The following SLC35E4 variants were observed in gnomAD, a reference collection of about 807,000 sequenced individuals.
SLC35E4 encodes solute carrier family 35 member E4.
A neutral mutation model predicts 19.3 loss-of-function variants in SLC35E4; 15 were observed. The observed-to-expected ratio is 0.78, with a 90% CI of 0.52 to 1.20. The LOEUF is 1.20. Among genes scored for constraint, SLC35E4 ranks in the 50% most tolerant of loss-of-function variants. The pLI is 0.00. For missense variants in SLC35E4, 406 were observed against 472.3 expected, an observed-to-expected ratio of 0.86 and a Z score of 1.30; for synonymous variants, 219 against 219.9, an observed-to-expected ratio of 1.00 and a Z score of 0.04.
intron 1 of SLC35E4, 129 bp downstream of exon 1, chr22:30,637,198 A>T: frequency 1.5e-6 from 2 of 1,376,332 alleles, no homozygotes; most frequent in Non-Finnish European, 1.9e-6. Flanking sequence ...GCTGTGGAGG[A>T]AGCAGAACTG....
downstream of SLC35E4, among the ~76,000 whole-genome samples, chr22:30,652,453 G>T (rs981015964): frequency 2.6e-5 from 4 of 152,226 alleles, no homozygotes; most frequent in Admixed American, 1.3e-4. Context: ...AAAGAGGTCT[G>T]CTTTGGGAAA....
At chr22:30,658,862 C>T (rs536638684) in intron 2 of SLC35E4, among the ~76,000 whole-genome samples, 38 of 152,002 alleles carry the variant, frequency 2.5e-4, no homozygotes, top group African/African-American at 8.4e-4. Context: ...CTGAACTGAT[C>T]GGCTGGGCGC....
chr22:30,647,036 TG>T lies in SLC35E4; in HGVS notation c.*10del. ...CAGCCCAGCAAGGGTCTTTGAGACC[TG>T]GGGGATCTCAGGAGCCACCTGGGAT... On this transcript the variant is annotated 3_prime_UTR_variant, in exon 2 of 2. Coordinates refer to ENST00000343605, the MANE Select transcript of SLC35E4 (RefSeq NM_001001479.4). 6.3e-7 allele frequency: 1 copy of T among 1,585,278 alleles called. No individual in the cohort carries two copies. Among genetic ancestry groups the T allele is most frequent in the Non-Finnish European group, 8.6e-7 (1 of 1,166,054 alleles).
At chr22:30,642,865 T>TA (rs35651094) in intron 1 of SLC35E4, among the ~76,000 whole-genome samples, 7 of 149,784 alleles carry the variant, frequency 4.7e-5, no homozygotes, top group Non-Finnish European at 8.9e-5. Context: ...CCGTCTCTAC[T>TA]AAAAAATACA....
chr22:30,666,869 C>CA (rs1455780338), downstream of SLC35E4: 1 of 152,142 alleles, frequency 6.6e-6, no homozygotes, highest in Admixed American at 6.5e-5. Context: ...CAGGGCTTGG[C>CA]ATAGAGTAAG....
Position 30,659,046 on chromosome 22 carries a change from C to G in SLC35E4, c.*9-3014C>G, listed in dbSNP as rs1009142915. ...GGCTGAGGCAGGAGAATGGCGTGAA[C>G]CTGGGAGGCGGAGTTTGCAGTGAGC... is the stretch of plus-strand genomic sequence containing the variant. On this transcript the variant is annotated intron_variant, in intron 2 of 2. Transcript: ENST00000406566. Among the ~76,000 whole-genome samples, 4 of 148,772 alleles carry G rather than the reference C, an allele frequency of 2.7e-5. No individual in the cohort carries two copies. The Admixed American group carries it at 2.7e-4, about 10-fold the overall frequency.
chr22:30,654,304 T>C (rs1001011504), intron 2 of SLC35E4: 1 of 459,488 alleles, frequency 2.2e-6, no homozygotes, highest in Non-Finnish European at 4.3e-6. Flanking sequence ...CTGTTTCTTA[T>C]TCTGGTAGTG....
Position 30,647,078 on chromosome 22 carries a change from C to G in SLC35E4, c.*47C>G. On this transcript the variant is annotated 3_prime_UTR_variant, in exon 2 of 2. Coordinates refer to ENST00000343605, the MANE Select transcript of SLC35E4 (RefSeq NM_001001479.4). ...CACCTGGGATGGCCCTGGCCTGAAT[C>G]CAGCCTCCGCTGTGGCCATAGAAGG... 6.5e-7 allele frequency: 1 copy of G among 1,532,982 alleles called. No individual in the cohort carries two copies. The highest frequency in any genetic ancestry group is 8.7e-7 in the Non-Finnish European group (1 of 1,143,524). 95.0% of individuals were successfully genotyped at this position (1,532,982 alleles called of 1,614,324 possible).
At chr22:30,648,475 G>T (rs1281259409), downstream of SLC35E4, among the ~76,000 whole-genome samples, 1 of 152,200 alleles carries the variant, frequency 6.6e-6, no homozygotes, top group African/African-American at 2.4e-5. Flanking sequence ...ATCCAGGCCG[G>T]GCGCGGTGGC....
At position 30,646,736 on chromosome 22, in the gene SLC35E4, G is replaced by A. The variant is rs755179385; in HGVS notation, c.758G>A (p.Arg253His). ...VAPPPTAGDS[R>H]LWACILLSCL... ...CCACCGCCCACTGCTGGCGACTCTC[G>A]CCTCTGGGCCTGCATCCTGCTCAGC... Residue 253 changes from arginine (R) to histidine (H), a missense_variant, in exon 2 of 2, where the codon CGC (arginine) becomes CAC (histidine). Physicochemically the swap from Arg to His is conservative, Grantham distance 29 (BLOSUM62 0). Coordinates refer to ENST00000343605, the MANE Select transcript of SLC35E4 (RefSeq NM_001001479.4). 1.2e-5 allele frequency: 20 copies of A among 1,613,184 alleles called. No individual in the cohort carries two copies. The highest frequency in any genetic ancestry group is 1.6e-4 in the Middle Eastern group (1 of 6,078).
downstream of SLC35E4, among the ~76,000 whole-genome samples, chr22:30,651,373 G>T (rs540083443): frequency 0.35 from 10,262 of 29,150 alleles, 703 homozygotes; most frequent in South Asian, 0.4. Context: ...GCTAATTTTT[G>T]TGTGTGTGTG....
chr22:30,645,642 G>C (rs2088116926), intron 1 of SLC35E4, among the ~76,000 whole-genome samples: 1 of 150,734 alleles, frequency 6.6e-6, no homozygotes, highest in Admixed American at 6.6e-5. Flanking sequence ...TCAGGGCCAG[G>C]GCAGCCCCTG....
chr22:30,662,108 A>G (rs958691621), exon 3 of SLC35E4: 3 of 151,534 alleles, frequency 2.0e-5, no homozygotes, highest in African/African-American at 7.3e-5. Context: ...CTGTGCACAG[A>G]AAGGAGAAAT....
intron 1 of SLC35E4, among the ~76,000 whole-genome samples, chr22:30,637,559 A>T (rs367792349): frequency 0.019 from 2,680 of 144,844 alleles, 38 homozygotes; most frequent in African/African-American, 0.021. Context: ...TGGTCAGCTA[A>T]TTTTTTTTTT....
intron 1 of SLC35E4, among the ~76,000 whole-genome samples, chr22:30,641,736 T>A (rs1034842824): frequency 0.028 from 4,209 of 148,350 alleles, 117 homozygotes; most frequent in African/African-American, 0.054. Context: ...TTTTTTTTTT[T>A]TTTTTTTTTA....
chr22:30,647,252 G>A lies in SLC35E4; in HGVS notation c.*221G>A. The A allele has an allele frequency of 1.7e-6, 1 of 590,134 alleles. No individual in the cohort carries two copies. Among genetic ancestry groups the A allele is most frequent in the Non-Finnish European group, 2.9e-6 (1 of 342,868 alleles). The allele number at this position is 590,134 out of a possible 1,614,324, so 36.6% of individuals were successfully genotyped here. ...ATCTCTACTAAAAATAGAAAAATTA[G>A]CTGGGCATGGTGGCGCGTGCCTATA... On this transcript the variant is annotated 3_prime_UTR_variant, in exon 2 of 2. Transcript: ENST00000343605.
chr22:30,649,112 G>A, downstream of SLC35E4: 1 of 712,146 alleles, frequency 1.4e-6, no homozygotes, highest in Non-Finnish European at 2.6e-6. Flanking sequence ...AGAACACCTG[G>A]AACCTAATCC....
Position 30,646,842 on chromosome 22 carries a change from C to T in SLC35E4, c.864C>T (p.Gly288=). Residue 288 remains glycine (G), a synonymous_variant, in exon 2 of 2, where the codon GGC becomes GGT. Coordinates refer to ENST00000343605, the MANE Select transcript of SLC35E4 (RefSeq NM_001001479.4). The stretch of plus-strand genomic sequence containing the variant: ...CTGCCCTCACCGTCCACGTCCTGGG[C>T]AACCTCACCGTGGTGGGCAACCTCA... The part of the protein sequence containing the change: ...LTSALTVHVL[G]NLTVVGNLIL... 1.2e-6 allele frequency: 2 copies of T among 1,614,242 alleles called. No individual in the cohort carries two copies. Among genetic ancestry groups the T allele is most frequent in the South Asian group, 2.2e-5 (2 of 91,084 alleles).
downstream of SLC35E4, among the ~76,000 whole-genome samples, chr22:30,649,485 C>G (rs990430086): frequency 7.8e-6 from 1 of 128,886 alleles, no homozygotes; most frequent in Non-Finnish European, 1.7e-5. Flanking sequence ...GGCCAGCCCA[C>G]GGCGGGGTGG....
Sources: allele counts gnomAD v4.1 joint callset (sites outside exome capture counted in the v4.1 genomes callset), GRCh38; gene constraint gnomAD v4.1.1; transcripts MANE v1.5; gene names NCBI Gene and HGNC (gene_info 2026-07-23, HGNC 2026-07-21).